The following SRSF10 variants were observed in gnomAD, a reference collection of about 807,000 sequenced individuals.
The protein encoded by SRSF10 is serine and arginine rich splicing factor 10.
A neutral mutation model predicts 32.6 loss-of-function variants in SRSF10; 9 were observed. The observed-to-expected ratio is 0.28, with a 90% CI of 0.17 to 0.48. SRSF10 has a LOEUF of 0.48. Among genes scored for constraint, SRSF10 ranks in the 20% least tolerant of loss-of-function variants. The pLI is 0.99. For missense variants in SRSF10, 201 were observed against 331.8 expected (o/e 0.61, Z 3.06); for synonymous variants, 105 against 112.4 (o/e 0.93, Z 0.42).
chr1:23,970,714 A>G lies in SRSF10; in HGVS notation c.*428T>C, dbSNP rs1285421257. The G allele has an allele frequency of 1.4e-5, 14 of 990,750 alleles. No homozygotes were observed. Among genetic ancestry groups the G allele is most frequent in the Non-Finnish European group, 1.7e-5 (14 of 833,748 alleles). 61.4% of individuals were successfully genotyped at this position (990,750 alleles called of 1,614,324 possible). On this transcript the variant is annotated 3_prime_UTR_variant, in exon 6 of 6. Transcript: ENST00000492112. ...TCCACCCTGAACCTAAATGTGTCTG[A>G]GCAGTCAGTGTTGTACTGTGGCTAC...
rs1051636141 is a variant in SRSF10, at chr1:23,970,898, GA to G, written c.*243del. On this transcript the variant is annotated 3_prime_UTR_variant, in exon 6 of 6. Transcript: ENST00000492112. Reference sequence around the variant, plus strand: ...CAAATACTTCAAGCATAAAAAATGAGAATCTTTACAAAAATATACAGAGACA... The same window carrying G: ...CAAATACTTCAAGCATAAAAAATGAGATCTTTACAAAAATATACAGAGACA... 533 of 1,210,834 alleles carry G rather than the reference GA, an allele frequency of 4.4e-4. 3 individuals carry two copies. The African/African-American group carries it at 7.7e-3, about 17-fold the overall frequency. The allele number at this position is 1,210,834 out of a possible 1,614,324, so 75.0% of individuals were successfully genotyped here.
intron 3 of SRSF10, among the ~76,000 whole-genome samples, chr1:23,974,276 C>T: frequency 6.6e-6 from 1 of 152,106 alleles, no homozygotes; most frequent in East Asian, 1.9e-4. Flanking sequence ...TTATTTTAAT[C>T]TCTTAATTAG....
chr1:23,971,000 A>G lies in SRSF10; in HGVS notation c.*142T>C. ...TGGCTTCTCAACAGCATATCATTTT[A>G]ATTATAACCATTGCCTGGTACAGGG... On this transcript the variant is annotated 3_prime_UTR_variant, in exon 6 of 6. Coordinates refer to ENST00000492112, the MANE Select transcript of SRSF10 (RefSeq NM_054016.4). 1.4e-6 allele frequency: 2 copies of G among 1,463,778 alleles called. No individual in the cohort carries two copies. Among genetic ancestry groups the G allele is most frequent in the South Asian group, 3.1e-5 (2 of 64,512 alleles). The allele number at this position is 1,463,778 out of a possible 1,614,324, so 90.7% of individuals were successfully genotyped here.
chr1:23,966,857 TTG>T lies in SRSF10; in HGVS notation c.*4283_*4284del, dbSNP rs1259926819. 1.3e-5 allele frequency: 2 copies of T among 152,080 alleles called. No individual in the cohort carries two copies. The highest frequency in any genetic ancestry group is 2.9e-5 in the Non-Finnish European group (2 of 67,952). 9.4% of individuals were successfully genotyped at this position (152,080 alleles called of 1,614,324 possible). On this transcript the variant is annotated 3_prime_UTR_variant, in exon 6 of 6. Transcript: ENST00000492112. Reference sequence around the variant, plus strand: ...ACAATTACTTATCCTTGATCGTATATTGTGTTCTATAATTACATTGATACGAA... The same window carrying T: ...ACAATTACTTATCCTTGATCGTATATTGTTCTATAATTACATTGATACGAA...
Position 23,967,666 on chromosome 1 carries a change from G to C in SRSF10, c.*3476C>G. ...TTCTTTGGTTCTTTTTCCGCTTTCA[G>C]ATCTTTCTTGAAGTGTAGTAAGCAG... On this transcript the variant is annotated 3_prime_UTR_variant, in exon 6 of 6. Coordinates refer to ENST00000492112, the MANE Select transcript of SRSF10 (RefSeq NM_054016.4). The C allele has an allele frequency of 6.3e-7, 1 of 1,575,644 alleles. No individual in the cohort carries two copies. Among genetic ancestry groups the C allele is most frequent in the East Asian group, 2.2e-5 (1 of 44,590 alleles).
At chr1:23,974,735 A>C (rs1455135772) in intron 3 of SRSF10, among the ~76,000 whole-genome samples, 3 of 152,064 alleles carry the variant, frequency 2.0e-5, no homozygotes, top group Non-Finnish European at 4.4e-5. Context: ...AGGTTGAGGC[A>C]TAAGAATCAT....
At chr1:23,978,945 C>G in intron 1 of SRSF10, 128 bp from the exon 2 acceptor site, 3 of 667,444 alleles carry the variant, frequency 4.5e-6, no homozygotes, top group Non-Finnish European at 7.2e-6. Context: ...TTTACATTAA[C>G]AGGACAACAG....
At chr1:23,975,232 C>T in intron 2 of SRSF10, 155 bp from the exon 3 acceptor site, 1 of 638,092 alleles carries the variant, frequency 1.6e-6, no homozygotes, top group Non-Finnish European at 2.8e-6. Flanking sequence ...TGGATTCAGT[C>T]ATTAACACTT....
At chr1:23,977,882 A>AG in intron 2 of SRSF10, 2 of 983,464 alleles carry the variant, frequency 2.0e-6, no homozygotes, top group Non-Finnish European at 2.4e-6. Flanking sequence ...AAAAAAAAAA[A>AG]AAAGAAAAAT....
chr1:23,968,371 A>G lies in SRSF10; in HGVS notation c.*2771T>C, dbSNP rs1641561786. Among the ~76,000 whole-genome samples the G allele has an allele frequency of 6.6e-6, 1 of 152,144 alleles. No individual in the cohort carries two copies. Among genetic ancestry groups the G allele is most frequent in the African/African-American group, 2.4e-5 (1 of 41,434 alleles). ...TATCTCCTCAATCTACTTCTCTCAA[A>G]TTATAGTCTGTAAAACAAACAAAAC... On this transcript the variant is annotated 3_prime_UTR_variant, in exon 6 of 6. Transcript: ENST00000492112.
chr1:23,969,011 T>G lies in SRSF10; in HGVS notation c.*2131A>C, dbSNP rs1240563620. ...CAATGATTTAAAATATTCCTAAATC[T>G]ATAAAGGACTGTTTCCATTGTTATT... On this transcript the variant is annotated 3_prime_UTR_variant, in exon 6 of 6. Transcript: ENST00000492112. 7.3e-6 allele frequency: 5 copies of G among 683,492 alleles called. No homozygotes were observed. Among genetic ancestry groups the G allele is most frequent in the Non-Finnish European group, 9.0e-6 (5 of 554,456 alleles). 42.3% of individuals were successfully genotyped at this position (683,492 alleles called of 1,614,324 possible). A position where few individuals can be genotyped will look rare whatever the true frequency, so the allele number is the denominator to read the frequency against.
chr1:23,971,731 T>G, intron 4 of SRSF10, 105 bp from the exon 5 acceptor site: 1 of 1,508,936 alleles, frequency 6.6e-7, no homozygotes, highest in South Asian at 1.2e-5. Flanking sequence ...GCTACAGTAT[T>G]TTTTGTCTCA....
Position 23,966,046 on chromosome 1 carries a change from C to G in SRSF10, c.*5096G>C, listed in dbSNP as rs1641434589. The G allele has an allele frequency of 6.6e-6, 1 of 151,806 alleles. No homozygotes were observed. Among genetic ancestry groups the G allele is most frequent in the Non-Finnish European group, 1.5e-5 (1 of 67,810 alleles). The allele number at this position is 151,806 out of a possible 1,614,324, so 9.4% of individuals were successfully genotyped here. ...AAGTAAATTCTAGATCCCATTATAT[C>G]AATGTTACTATCTCCATGAAAATAA... On this transcript the variant is annotated 3_prime_UTR_variant, in exon 6 of 6. Coordinates refer to ENST00000492112, the MANE Select transcript of SRSF10 (RefSeq NM_054016.4).
chr1:23,969,085 T>C lies in SRSF10; in HGVS notation c.*2057A>G. On this transcript the variant is annotated 3_prime_UTR_variant, in exon 6 of 6. Coordinates refer to ENST00000492112, the MANE Select transcript of SRSF10 (RefSeq NM_054016.4). ...ATAATTCCAGTTAATCATTATTTCC[T>C]TCATTTTGTTTTTATTATAGCATGT... The C allele has an allele frequency of 3.1e-6, 3 of 974,430 alleles. No individual in the cohort carries two copies. The highest frequency in any genetic ancestry group is 3.7e-6 in the Non-Finnish European group (3 of 819,522). The allele number at this position is 974,430 out of a possible 1,614,324, so 60.4% of individuals were successfully genotyped here. A position where few individuals can be genotyped will look rare whatever the true frequency, so the allele number is the denominator to read the frequency against.
chr1:23,970,217 T>G lies in SRSF10; in HGVS notation c.*925A>C. ...GTGTTTTCTATGTTCCAAATCTTCA[T>G]AGGAACCAGAAAAAAAGCAGTGAAG... On this transcript the variant is annotated 3_prime_UTR_variant, in exon 6 of 6. Transcript: ENST00000492112. The G allele has an allele frequency of 3.0e-6, 3 of 985,338 alleles. No individual in the cohort carries two copies. Among genetic ancestry groups the G allele is most frequent in the Non-Finnish European group, 3.6e-6 (3 of 829,914 alleles). 61.0% of individuals were successfully genotyped at this position (985,338 alleles called of 1,614,324 possible).
chr1:23,974,843 AAG>A (rs1364045289), intron 3 of SRSF10, 129 bp downstream of exon 3: 2 of 723,734 alleles, frequency 2.8e-6, no homozygotes, highest in Non-Finnish European at 4.7e-6. Context: ...AAAAAAAAAA[AAG>A]AAAGAAAGAA....
At position 23,969,393 on chromosome 1, in the gene SRSF10, G is replaced by A. The variant is rs1354136836; in HGVS notation, c.*1749C>T. 3 of 985,526 alleles carry A rather than the reference G, an allele frequency of 3.0e-6. No homozygotes were observed. Among genetic ancestry groups the A allele is most frequent in the Non-Finnish European group, 3.6e-6 (3 of 829,806 alleles). The allele number at this position is 985,526 out of a possible 1,614,324, so 61.0% of individuals were successfully genotyped here. A position where few individuals can be genotyped will look rare whatever the true frequency, so the allele number is the denominator to read the frequency against. On this transcript the variant is annotated 3_prime_UTR_variant, in exon 6 of 6. Coordinates refer to ENST00000492112, the MANE Select transcript of SRSF10 (RefSeq NM_054016.4). The stretch of plus-strand genomic sequence containing the variant: ...CGTGCATATAAACGATTGCATAGCA[G>A]AACATGAACATTAACTGCAAACAGT...
chr1:23,971,765 T>C, intron 4 of SRSF10, 85 bp downstream of exon 4: 1 of 1,498,548 alleles, frequency 6.7e-7, no homozygotes, highest in Non-Finnish European at 9.1e-7. Context: ...TGTATATAAT[T>C]AAAAGTATAC....
rs1241966903 is a variant in SRSF10 at position 23,965,043 on chromosome 1, G to GA, written c.*6098dup. On this transcript the variant is annotated 3_prime_UTR_variant, in exon 6 of 6. Coordinates refer to ENST00000492112, the MANE Select transcript of SRSF10 (RefSeq NM_054016.4). ...TAACCAACACTGTTAAGAGGAAGGG[G>GA]AAGAGGAAAAAACCCAAGAGAAGGA... is the stretch of plus-strand genomic sequence containing the variant. 6.6e-6 allele frequency: 1 copy of GA among 151,940 alleles called. No homozygotes were observed. Among genetic ancestry groups the GA allele is most frequent in the Non-Finnish European group, 1.5e-5 (1 of 67,842 alleles). The allele number at this position is 151,940 out of a possible 1,614,324, so 9.4% of individuals were successfully genotyped here.
Sources: allele counts gnomAD v4.1 joint callset (sites outside exome capture counted in the v4.1 genomes callset), GRCh38; gene constraint gnomAD v4.1.1; transcripts MANE v1.5; gene names NCBI Gene and HGNC (gene_info 2026-07-23, HGNC 2026-07-21).